AUTS2: variants seen among roughly 807,000 people sequenced by gnomAD.
The protein encoded by AUTS2 is activator of transcription and developmental regulator AUTS2, also known as autism susceptibility gene 2 protein.
In AUTS2, 17 loss-of-function variants were observed where a neutral mutation model predicts 112.4. The observed-to-expected ratio is 0.15, with a 90% CI of 0.10 to 0.23. The LOEUF (loss-of-function observed/expected upper bound fraction) is 0.23. Ranked by LOEUF, AUTS2 falls within the 10% of genes least tolerant of loss-of-function variation. The pLI is 1.00. For synonymous variants in AUTS2, 751 were observed against 702.7 expected (o/e 1.07, Z -1.09); for missense variants, 1,510 against 1,701.6 (o/e 0.89, Z 1.98).
intron 5 of AUTS2, among the ~76,000 whole-genome samples, chr7:70,548,439 G>GT (rs370361258): frequency 1.0e-3 from 155 of 147,956 alleles, no homozygotes; most frequent in African/African-American, 1.7e-3. Flanking sequence ...CAGTTTATCA[G>GT]TTTTTTTTTT....
intron 1 of AUTS2, among the ~76,000 whole-genome samples, chr7:69,775,618 G>GGGAAGTTGTTGATGGGGATGCCTTC (rs1425591485): frequency 6.6e-6 from 1 of 151,968 alleles, no homozygotes; most frequent in Non-Finnish European, 1.5e-5. Flanking sequence ...GTGAGGGGTC[G>GGGAAGTTGTTGATGGGGATGCCTTC]GGAAGTTGTT....
chr7:70,602,939 A>G (rs1219297314), intron 5 of AUTS2, among the ~76,000 whole-genome samples: 2 of 152,212 alleles, frequency 1.3e-5, no homozygotes, highest in African/African-American at 2.4e-5. Context: ...CACAAGTGGT[A>G]TGTGCTGAGA....
chr7:70,276,965 A>G (rs1365287719), intron 4 of AUTS2, among the ~76,000 whole-genome samples: 1 of 152,214 alleles, frequency 6.6e-6, no homozygotes, highest in Non-Finnish European at 1.5e-5. Flanking sequence ...GGGATGTAAA[A>G]TGGATAGCAA....
chr7:70,496,854 C>T lies in AUTS2; in HGVS notation c.690+61073C>T, dbSNP rs924636065. 1.9e-4 allele frequency among the ~76,000 whole-genome samples: 26 copies of T among 136,666 alleles called. 1 individual carries two copies. Among genetic ancestry groups the T allele is most frequent in the Non-Finnish European group, 7.7e-5 (5 of 64,550 alleles). The allele number at this position is 136,666 out of a possible 152,430, so 89.7% of individuals were successfully genotyped here. A position where few individuals can be genotyped will look rare whatever the true frequency, so the allele number is the denominator to read the frequency against. Reference sequence around the variant, plus strand: ...CACACACTCCACGTACACAGTCACACACACACACACCCCACACACATGCAC... The same window carrying T: ...CACACACTCCACGTACACAGTCACATACACACACACCCCACACACATGCAC... On this transcript the variant is annotated intron_variant, in intron 5 of 18. Transcript: ENST00000342771.
chr7:70,723,895 T>G (rs1786849815), intron 6 of AUTS2, among the ~76,000 whole-genome samples: 1 of 152,008 alleles, frequency 6.6e-6, no homozygotes, highest in Non-Finnish European at 1.5e-5. Context: ...TTTTTGAGAA[T>G]TTGAGAAGGG....
At chr7:70,705,800 T>C (rs139371926) in intron 6 of AUTS2, among the ~76,000 whole-genome samples, 3 of 152,140 alleles carry the variant, frequency 2.0e-5, no homozygotes, top group African/African-American at 7.2e-5. Flanking sequence ...CTGGGTCTCC[T>C]CCTACAAATG....
At chr7:70,014,999 A>G (rs1799965996) in intron 2 of AUTS2, among the ~76,000 whole-genome samples, 1 of 152,210 alleles carries the variant, frequency 6.6e-6, no homozygotes, top group Non-Finnish European at 1.5e-5. Context: ...TTATGAGCAT[A>G]ATGTTTCTTT....
rs542681761 is a variant in AUTS2 at position 69,711,530 on chromosome 7, A to G, written c.309+111568A>G. ...CCACTGTGGTTCTCTGGACATTTCT[A>G]TGTTAACTGTGTCATATATTAGTAT... On this transcript the variant is annotated intron_variant, in intron 1 of 18. Transcript: ENST00000342771. 1.7e-4 allele frequency among the ~76,000 whole-genome samples: 26 copies of G among 152,274 alleles called. 1 individual carries two copies. The South Asian group carries it at 5.4e-3, about 32-fold the overall frequency.
chr7:70,034,640 T>C (rs1800920680), intron 2 of AUTS2, among the ~76,000 whole-genome samples: 1 of 152,206 alleles, frequency 6.6e-6, no homozygotes, highest in South Asian at 2.1e-4. Context: ...CACTGTCTTG[T>C]TCTACCAATA....
intron 1 of AUTS2, among the ~76,000 whole-genome samples, chr7:69,890,693 G>GAAA (rs56364103): frequency 8.2e-5 from 11 of 134,020 alleles, no homozygotes; most frequent in African/African-American, 2.4e-4. Context: ...TGTTAAAAAT[G>GAAA]AAAAAAAAAA....
chr7:69,821,707 G>T (rs1791003266), intron 1 of AUTS2, among the ~76,000 whole-genome samples: 2 of 151,902 alleles, frequency 1.3e-5, no homozygotes. Flanking sequence ...CCACCTTTAA[G>T]AGCTGTAACA....
intron 6 of AUTS2, among the ~76,000 whole-genome samples, chr7:70,760,392 A>G (rs962626320): frequency 2.0e-5 from 3 of 152,220 alleles, no homozygotes; most frequent in African/African-American, 7.2e-5. Context: ...AGTCCTGCTC[A>G]TGTACCTAGA....
intron 4 of AUTS2, among the ~76,000 whole-genome samples, chr7:70,166,712 CA>C (rs1201990107): frequency 2.4e-4 from 37 of 151,902 alleles, no homozygotes; most frequent in Admixed American, 1.0e-3. Flanking sequence ...AAAAAGGGAA[CA>C]AAAGAACAGA....
At chr7:70,273,129 A>C (rs958321976) in intron 4 of AUTS2, among the ~76,000 whole-genome samples, 1 of 151,758 alleles carries the variant, frequency 6.6e-6, no homozygotes, top group Non-Finnish European at 1.5e-5. Flanking sequence ...GCTCACTGCA[A>C]CCTCCACCTC....
chr7:70,319,304 G>T (rs1790141473), intron 4 of AUTS2, among the ~76,000 whole-genome samples: 1 of 152,126 alleles, frequency 6.6e-6, no homozygotes, highest in Non-Finnish European at 1.5e-5. Flanking sequence ...CGAGTTGGGG[G>T]ATGCTGCCAA....
At chr7:70,189,909 A>T (rs1272569435) in intron 4 of AUTS2, among the ~76,000 whole-genome samples, 1 of 152,144 alleles carries the variant, frequency 6.6e-6, no homozygotes, top group African/African-American at 2.4e-5. Flanking sequence ...TTAGTAGGAA[A>T]GGCTTATTTG....
intron 4 of AUTS2, among the ~76,000 whole-genome samples, chr7:70,197,236 CTAAA>C (rs1328560451): frequency 6.6e-6 from 1 of 151,540 alleles, no homozygotes; most frequent in Non-Finnish European, 1.5e-5. Context: ...GGGAACTAGA[CTAAA>C]TAGTTGCCAA....
At chr7:69,940,133 C>T (rs1270633257) in intron 2 of AUTS2, among the ~76,000 whole-genome samples, 1 of 152,146 alleles carries the variant, frequency 6.6e-6, no homozygotes, top group Non-Finnish European at 1.5e-5. Flanking sequence ...GACTAACTCC[C>T]ACAAGGTTTC....
rs11418386 is a variant in AUTS2, at chr7:70,118,245, T to TAAA, written c.624+32_624+34dup. 3,128 of 1,319,720 alleles carry TAAA rather than the reference T, an allele frequency of 2.4e-3. 2 individuals carry two copies. Among genetic ancestry groups the TAAA allele is most frequent in the South Asian group, 5.1e-3 (302 of 59,746 alleles). The allele number at this position is 1,319,720 out of a possible 1,614,324, so 81.8% of individuals were successfully genotyped here. A position where few individuals can be genotyped will look rare whatever the true frequency, so the allele number is the denominator to read the frequency against. On this transcript the variant is annotated intron_variant, in intron 3 of 18. Coordinates refer to ENST00000342771, the MANE Select transcript of AUTS2 (RefSeq NM_015570.4). ...AAAGGCTCAGTGATGTAAGTTTAAG[T>TAAA]AAAAAAAAAAAAAAAAAAAAAATTA... is the stretch of plus-strand genomic sequence containing the variant.
Sources: allele counts gnomAD v4.1 joint callset (sites outside exome capture counted in the v4.1 genomes callset), GRCh38; gene constraint gnomAD v4.1.1; transcripts MANE v1.5; gene names NCBI Gene and HGNC (gene_info 2026-07-23, HGNC 2026-07-21).